CTNNA1: variants seen among roughly 807,000 people sequenced by gnomAD.
CTNNA1 encodes catenin alpha 1, also known as catenin alpha-1.
In CTNNA1, 37 loss-of-function variants were observed where a neutral mutation model predicts 98.4. The observed-to-expected ratio is 0.38, with a 90% CI of 0.29 to 0.49. The LOEUF is 0.49. CTNNA1 is among the 20% of genes least tolerant of loss of function. The pLI is 0.95. For synonymous variants in CTNNA1, 404 were observed against 413.2 expected (o/e 0.98, Z 0.27); for missense variants, 761 against 1,147.2 (o/e 0.66, Z 4.86).
At chr5:138,795,068 T>G (rs1321941327) in intron 3 of CTNNA1, among the ~76,000 whole-genome samples, 1 of 148,244 alleles carries the variant, frequency 6.7e-6, no homozygotes, top group Admixed American at 6.9e-5. Context: ...GAGAATCACT[T>G]GAACTCGGGA....
intron 7 of CTNNA1, among the ~76,000 whole-genome samples, chr5:138,840,713 A>C (rs961392526): frequency 3.3e-5 from 5 of 151,178 alleles, no homozygotes; most frequent in Non-Finnish European, 7.4e-5. Flanking sequence ...CTACCCTAAT[A>C]GTTTTTATCC....
chr5:138,754,752 C>T (rs1400295322), intron 1 of CTNNA1: 1 of 152,152 alleles, frequency 6.6e-6, no homozygotes, highest in Non-Finnish European at 1.5e-5. Context: ...ATTTACCAAT[C>T]TGGACTTTTG....
intron 7 of CTNNA1, among the ~76,000 whole-genome samples, chr5:138,846,204 G>A (rs1196369865): frequency 1.3e-5 from 2 of 152,140 alleles, no homozygotes; most frequent in South Asian, 2.1e-4. Flanking sequence ...CACCCTCCTC[G>A]GCCTCTCAAA....
At chr5:138,892,415 C>T (rs1755654442) in intron 9 of CTNNA1, among the ~76,000 whole-genome samples, 1 of 134,102 alleles carries the variant, frequency 7.5e-6, no homozygotes, top group African/African-American at 2.8e-5. Context: ...TCTTGGCTCA[C>T]TGCAACCTCT....
chr5:138,889,045 A>G (rs901786392), intron 9 of CTNNA1, among the ~76,000 whole-genome samples: 2 of 152,222 alleles, frequency 1.3e-5, no homozygotes, highest in Non-Finnish European at 2.9e-5. Context: ...TTGTATCTCC[A>G]TTAAGCATAA....
intron 7 of CTNNA1, among the ~76,000 whole-genome samples, chr5:138,833,143 A>C (rs563321944): frequency 6.6e-6 from 1 of 152,322 alleles, no homozygotes; most frequent in East Asian, 1.9e-4. Flanking sequence ...TCCAAATCTG[A>C]ATATACTTAA....
intron 3 of CTNNA1, among the ~76,000 whole-genome samples, chr5:138,803,189 T>A (rs1757750558): frequency 6.6e-6 from 1 of 150,902 alleles, no homozygotes; most frequent in South Asian, 2.1e-4. Context: ...ATGGGGTCTG[T>A]CACCCATGCG....
In CTNNA1 at chr5:138,873,609, G is replaced by A; in HGVS notation, c.1063-12603G>A. The stretch of plus-strand genomic sequence containing the variant: ...AGCCAGGAGGCCAGAGCACATATTC[G>A]GGCGCTGCATTCCCACAGATTGCCA... On this transcript the variant is annotated intron_variant, in intron 7 of 17. Coordinates refer to ENST00000302763, the MANE Select transcript of CTNNA1 (RefSeq NM_001903.5). This position sits in a 1 kb window ranked among gnomAD's most constrained non-coding sequence, Gnocchi z 6.1. The A allele has an allele frequency of 1.2e-6, 2 of 1,613,972 alleles. No individual in the cohort carries two copies. Among genetic ancestry groups the A allele is most frequent in the Non-Finnish European group, 1.7e-6 (2 of 1,179,898 alleles).
intron 3 of CTNNA1, among the ~76,000 whole-genome samples, chr5:138,803,201 T>C (rs1757751766): frequency 6.6e-6 from 1 of 151,748 alleles, no homozygotes; most frequent in Non-Finnish European, 1.5e-5. Flanking sequence ...ACCCATGCGC[T>C]GGAGTGCAGT....
chr5:138,759,980 C>CTTTTTT lies in CTNNA1; in HGVS notation c.-3+6494_-3+6499dup, dbSNP rs70982734. On this transcript the variant is annotated intron_variant, in intron 1 of 17. Coordinates refer to ENST00000302763, the MANE Select transcript of CTNNA1 (RefSeq NM_001903.5). The stretch of plus-strand genomic sequence containing the variant: ...GGAATCCTCTCCCAGAATTTCTTTC[C>CTTTTTT]TTTTTTTTTTTTTTTTTTTTTTTTT... 1.6e-4 allele frequency among the ~76,000 whole-genome samples: 10 copies of CTTTTTT among 61,244 alleles called. 1 individual carries two copies. Among genetic ancestry groups the CTTTTTT allele is most frequent in the African/African-American group, 5.4e-4 (7 of 12,896 alleles). 40.2% of individuals were successfully genotyped at this position (61,244 alleles called of 152,430 possible).
intron 5 of CTNNA1, among the ~76,000 whole-genome samples, chr5:138,816,650 T>C (rs1561555451): frequency 6.6e-6 from 1 of 152,204 alleles, no homozygotes; most frequent in African/African-American, 2.4e-5. Flanking sequence ...TCTTTCCATA[T>C]ACCTGTTGGT....
intron 7 of CTNNA1, among the ~76,000 whole-genome samples, chr5:138,830,254 C>T (rs543028023): frequency 2.1e-4 from 32 of 151,320 alleles, no homozygotes; most frequent in Non-Finnish European, 3.8e-4. Context: ...CCCAGCTACT[C>T]GGGAGGCTGA....
At chr5:138,774,403 T>C (rs1753863177) in intron 1 of CTNNA1, among the ~76,000 whole-genome samples, 1 of 152,076 alleles carries the variant, frequency 6.6e-6, no homozygotes, top group South Asian at 2.1e-4. Context: ...GTTGGGAGAT[T>C]CCATGTAAAA....
Position 138,814,644 on chromosome 5 carries a change from G to A in CTNNA1, c.588+2342G>A, listed in dbSNP as rs572746334. On this transcript the variant is annotated intron_variant, in intron 5 of 17. Transcript: ENST00000302763. ...GCAAATAGTCCTACTGGTTTAAAAC[G>A]TAGTCTGAGCTTGGTTTATGAAGAC... Among the ~76,000 whole-genome samples, 15 of 152,306 alleles carry A rather than the reference G, an allele frequency of 9.8e-5. No homozygotes were observed. The South Asian group carries it at 1.5e-3, about 15-fold the overall frequency.
At chr5:138,765,266 C>T (rs1227992905) in intron 1 of CTNNA1, among the ~76,000 whole-genome samples, 1 of 152,142 alleles carries the variant, frequency 6.6e-6, no homozygotes, top group Admixed American at 6.5e-5. Flanking sequence ...GTCTCAAACT[C>T]CTGACCTCAG....
At chr5:138,870,050 GATTA>G (rs371751591) in intron 7 of CTNNA1, 2 of 152,234 alleles carry the variant, frequency 1.3e-5, no homozygotes, top group African/African-American at 2.4e-5. Flanking sequence ...TTTCCAGAGA[GATTA>G]ATTATTTTTC....
At chr5:138,878,501 T>C (rs1234496381) in intron 7 of CTNNA1, among the ~76,000 whole-genome samples, 1 of 152,228 alleles carries the variant, frequency 6.6e-6, no homozygotes, top group East Asian at 1.9e-4. Context: ...GTTTCAATTT[T>C]CATTGCTTTA....
In CTNNA1 at chr5:138,883,650, A is replaced by C. The variant is rs531188761; in HGVS notation, c.1063-2562A>C. 7.2e-5 allele frequency among the ~76,000 whole-genome samples: 11 copies of C among 152,354 alleles called. No individual in the cohort carries two copies. In the South Asian group the frequency reaches 1.2e-3, roughly 17 times the overall value. On this transcript the variant is annotated intron_variant, in intron 7 of 17. Transcript: ENST00000302763. ...GGTTGTAGGGGATTGGGCTTTCATG[A>C]AGTCTACATGCTCAACCTTTGGGTT...
At chr5:138,916,303 G>C (rs1761749477) in intron 10 of CTNNA1, among the ~76,000 whole-genome samples, 1 of 151,890 alleles carries the variant, frequency 6.6e-6, no homozygotes, top group Non-Finnish European at 1.5e-5. Flanking sequence ...TTGAACAACT[G>C]CAAATATACT....
Sources: allele counts gnomAD v4.1 joint callset (sites outside exome capture counted in the v4.1 genomes callset), GRCh38; gene constraint gnomAD v4.1.1; non-coding constraint Gnocchi (gnomAD v3.1); transcripts MANE v1.5; gene names NCBI Gene and HGNC (gene_info 2026-07-23, HGNC 2026-07-21).